TPX2: variants seen among roughly 807,000 people sequenced by gnomAD.
The protein encoded by TPX2 is TPX2 microtubule nucleation factor, also known as targeting protein for Xklp2.
Under a neutral mutation model 93.6 loss-of-function variants are expected in TPX2, and 21 were observed. That is an observed-to-expected ratio of 0.22 (90% CI 0.16 to 0.32). The LOEUF (loss-of-function observed/expected upper bound fraction) is 0.32, where lower values mean the gene tolerates loss of function less well. Among genes scored for constraint, TPX2 ranks in the 10% least tolerant of loss-of-function variants. TPX2 has a pLI of 1.00. For missense variants in TPX2, 776 were observed against 871.1 expected (o/e 0.89, Z 1.37); for synonymous variants, 281 against 298.3 (o/e 0.94, Z 0.60).
chr20:31,745,328 C>CT (rs11458149), intron 2 of TPX2, among the ~76,000 whole-genome samples: 12,051 of 123,200 alleles, frequency 0.098, 942 homozygotes, highest in East Asian at 0.28. Context: ...TAGGTAAACA[C>CT]TTTTTTTTTT....
At chr20:31,774,380 C>T (rs1240918849) in intron 7 of TPX2, among the ~76,000 whole-genome samples, 1 of 152,084 alleles carries the variant, frequency 6.6e-6, no homozygotes, top group Non-Finnish European at 1.5e-5. Context: ...AAACATTTTT[C>T]CATATTTCCT....
chr20:31,761,012 T>G (rs1166933473), intron 4 of TPX2, among the ~76,000 whole-genome samples: 1 of 152,172 alleles, frequency 6.6e-6, no homozygotes, highest in East Asian at 1.9e-4. Context: ...TAGATTTAAC[T>G]CACACATCAT....
intron 3 of TPX2, 27 bp from the exon 4 acceptor site, chr20:31,760,030 G>T: frequency 6.2e-7 from 1 of 1,610,348 alleles, no homozygotes; most frequent in South Asian, 1.1e-5. Context: ...TTGCTGATCA[G>T]ACAATGATGA....
intron 7 of TPX2, among the ~76,000 whole-genome samples, chr20:31,772,019 CTTT>C (rs397866298): frequency 6.4e-5 from 8 of 125,246 alleles, no homozygotes; most frequent in African/African-American, 1.3e-4. Flanking sequence ...GCCTGGCTAA[CTTT>C]TTTTTTTTTT....
chr20:31,791,196 T>A (rs973400585), intron 12 of TPX2, among the ~76,000 whole-genome samples: 2 of 152,124 alleles, frequency 1.3e-5, no homozygotes, highest in Admixed American at 6.5e-5. Flanking sequence ...AAGGCGATAT[T>A]TATGAGTGAG....
At chr20:31,765,058 G>T (rs2061916019) in intron 4 of TPX2, among the ~76,000 whole-genome samples, 1 of 151,642 alleles carries the variant, frequency 6.6e-6, no homozygotes, top group Non-Finnish European at 1.5e-5. Flanking sequence ...GGGCTCAAGT[G>T]ATCCTCTTGC....
intron 4 of TPX2, among the ~76,000 whole-genome samples, chr20:31,761,928 A>G (rs1305987564): frequency 1.3e-5 from 2 of 152,070 alleles, no homozygotes; most frequent in African/African-American, 4.8e-5. Flanking sequence ...GAAATTTTTA[A>G]TATTTTTCAT....
At chr20:31,752,045 T>A (rs2061823516) in intron 2 of TPX2, among the ~76,000 whole-genome samples, 1 of 150,936 alleles carries the variant, frequency 6.6e-6, no homozygotes. Flanking sequence ...GCCTGGCCTA[T>A]TTTTTTTTAG....
Position 31,778,872 on chromosome 20 carries a change from A to G in TPX2, c.942A>G (p.Lys314=). 6.2e-7 allele frequency: 1 copy of G among 1,612,396 alleles called. No individual in the cohort carries two copies. The highest frequency in any genetic ancestry group is 8.5e-7 in the Non-Finnish European group (1 of 1,179,556). ...VKPFNLSQGK[K]RTFDETVSTY... ...CTTTCAACCTGTCCCAAGGAAAGAA[A>G]AGAACATTTGATGAAACAGTTTCTA... Residue 314 remains lysine (K), a synonymous_variant, in exon 10 of 18, where the codon AAA becomes AAG. Transcript: ENST00000300403.
chr20:31,768,157 C>T (rs538018633), intron 5 of TPX2, among the ~76,000 whole-genome samples: 1 of 151,662 alleles, frequency 6.6e-6, no homozygotes, highest in South Asian at 2.1e-4. Context: ...TGGTCTTGAT[C>T]TCCTGAGCTC....
At chr20:31,750,156 C>T (rs943367720) in intron 2 of TPX2, among the ~76,000 whole-genome samples, 7 of 148,526 alleles carry the variant, frequency 4.7e-5, no homozygotes, top group African/African-American at 1.2e-4. Flanking sequence ...AGGATGGTCT[C>T]GATTTCTTTT....
intron 13 of TPX2, 95 bp downstream of exon 13, chr20:31,792,925 A>G (rs750238862): frequency 2.1e-5 from 24 of 1,166,928 alleles, no homozygotes; most frequent in Non-Finnish European, 3.0e-5. Flanking sequence ...TTCAAAGGCA[A>G]CCACTCTTTT....
intron 8 of TPX2, among the ~76,000 whole-genome samples, chr20:31,776,634 T>G (rs1226646017): frequency 6.6e-6 from 1 of 152,028 alleles, no homozygotes; most frequent in Non-Finnish European, 1.5e-5. Flanking sequence ...CAAGCAATTC[T>G]CCTGTTTCAG....
chr20:31,801,158 C>A lies in TPX2; in HGVS notation c.*78C>A. ...CAAACCTAGGACCGTCTTGCTTTGT[C>A]ATTGGGCATGGAGAGAACCCATTTC... On this transcript the variant is annotated 3_prime_UTR_variant, in exon 18 of 18. Transcript: ENST00000300403. The A allele has an allele frequency of 7.5e-7, 1 of 1,328,820 alleles. No homozygotes were observed. The highest frequency in any genetic ancestry group is 1.2e-5 in the South Asian group (1 of 84,024). The allele number at this position is 1,328,820 out of a possible 1,614,324, so 82.3% of individuals were successfully genotyped here. A position where few individuals can be genotyped will look rare whatever the true frequency, so the allele number is the denominator to read the frequency against.
chr20:31,742,696 A>G (rs1183708725), intron 2 of TPX2, 49 bp downstream of exon 2: 1 of 152,244 alleles, frequency 6.6e-6, no homozygotes, highest in Non-Finnish European at 1.5e-5. Context: ...TCAGCTTCAT[A>G]AGTGTTTAAA....
At position 31,783,863 on chromosome 20, in the gene TPX2, A is replaced by T; in HGVS notation, c.1355A>T (p.Asp452Val). The T allele has an allele frequency of 6.2e-7, 1 of 1,609,222 alleles. No individual in the cohort carries two copies. The highest frequency in any genetic ancestry group is 1.3e-5 in the African/African-American group (1 of 74,620). The change falls in exon 12 of 18, where the codon GAT becomes GTT. Residue 452 changes from aspartate to valine, a missense_variant. This residue lies in a region of TPX2 where 461 missense variants were observed against 551.2 expected (regional missense o/e 0.84). Transcript: ENST00000300403. ...CGAGAATCAAAGAAGAAAACAGAGG[A>T]TGAACACTTTGAATTTCATTCCAGA... is the stretch of plus-strand genomic sequence containing the variant. ...QERESKKKTEDEHFEFHSRPC... is the reference protein window; with the variant it reads ...QERESKKKTEVEHFEFHSRPC...
chr20:31,749,235 C>T (rs1157233259), intron 2 of TPX2, among the ~76,000 whole-genome samples: 2 of 152,184 alleles, frequency 1.3e-5, no homozygotes, highest in East Asian at 3.9e-4. Flanking sequence ...CGTGAGCCAC[C>T]GCGCCCAGCT....
chr20:31,759,021 G>A (rs1272413040), intron 3 of TPX2, among the ~76,000 whole-genome samples: 1 of 149,228 alleles, frequency 6.7e-6, no homozygotes, highest in Non-Finnish European at 1.5e-5. Flanking sequence ...TTTTCTTTTT[G>A]TTTTTGCCAG....
At chr20:31,749,333 T>G (rs1187193209) in intron 2 of TPX2, among the ~76,000 whole-genome samples, 2 of 152,216 alleles carry the variant, frequency 1.3e-5, no homozygotes, top group Non-Finnish European at 2.9e-5. Flanking sequence ...TTACTGCTTC[T>G]TAGCTGCATG....
Sources: gnomAD v4.1 joint callset for allele counts (sites outside exome capture counted in the v4.1 genomes callset) on GRCh38, gnomAD v4.1.1 for gene constraint, gnomAD v4.1.1 regional missense constraint, MANE v1.5 for transcripts, NCBI Gene and HGNC (gene_info 2026-07-23, HGNC 2026-07-21) for gene names.